DST: variants seen among roughly 807,000 people sequenced by gnomAD.
DST encodes bullous pemphigoid antigen.
In DST, 253 loss-of-function variants were observed where a neutral mutation model predicts 875.2. The ratio of observed to expected loss-of-function variants is 0.29; its 90% CI spans 0.26 to 0.32. The LOEUF (loss-of-function observed/expected upper bound fraction) is 0.32. Among genes scored for constraint, DST ranks in the 10% least tolerant of loss-of-function variants. The pLI is 1.00. For missense variants in DST, 8,287 were observed against 9,111.6 expected (o/e 0.91, Z 3.68); for synonymous variants, 3,124 against 3,197.1 (o/e 0.98, Z 0.77).
intron 9 of DST, among the ~76,000 whole-genome samples, chr6:56,698,319 A>G (rs1413328320): frequency 6.6e-6 from 1 of 150,482 alleles, no homozygotes; most frequent in African/African-American, 2.5e-5. Flanking sequence ...AGCCAACTTA[A>G]AAAAAAAAAA....
At chr6:56,843,613 C>A in intron 4 of DST, 2 of 984,058 alleles carry the variant, frequency 2.0e-6, no homozygotes, top group Non-Finnish European at 2.4e-6. Flanking sequence ...GACCGGCGCG[C>A]TGCCTTCACC....
chr6:56,783,029 C>G (rs530365977), intron 4 of DST, among the ~76,000 whole-genome samples: 15 of 152,128 alleles, frequency 9.9e-5, no homozygotes, highest in African/African-American at 3.6e-4. Flanking sequence ...TGCAGTTGAG[C>G]GGTTTTGAGT....
chr6:56,637,205 T>G (rs1440429079), intron 22 of DST, among the ~76,000 whole-genome samples: 1 of 152,218 alleles, frequency 6.6e-6, no homozygotes, highest in East Asian at 1.9e-4. Flanking sequence ...TATAAATTCT[T>G]AAACCACTCC....
chr6:56,769,637 A>G (rs6928104), intron 4 of DST, among the ~76,000 whole-genome samples: 19,063 of 152,124 alleles, frequency 0.13, 1,641 homozygotes, highest in Middle Eastern at 0.2. Context: ...GCAACATGGC[A>G]AAACCCCATC....
intron 61 of DST, among the ~76,000 whole-genome samples, chr6:56,548,523 T>G (rs981663583): frequency 6.6e-6 from 1 of 152,226 alleles, no homozygotes; most frequent in Non-Finnish European, 1.5e-5. Context: ...TAAATAATAA[T>G]GTGTTAATAT....
intron 4 of DST, among the ~76,000 whole-genome samples, chr6:56,765,182 A>T (rs2099630321): frequency 6.6e-6 from 1 of 152,192 alleles, no homozygotes; most frequent in South Asian, 2.1e-4. Context: ...AGATTCTAAC[A>T]TCCTATTGTT....
In DST at chr6:56,568,541, T is replaced by C. The variant is rs756523516; in HGVS notation, c.13933A>G (p.Ser4645Gly). Residue 4645 changes from serine to glycine, a missense_variant, in exon 55 of 104, where the codon AGT (serine) becomes GGT (glycine). Physicochemically the swap from Ser to Gly is moderately conservative, Grantham distance 56. Transcript: ENST00000680361. ...ATTAAGTTACATAGTGAGATCCCACTGTTGTTTACTTTCTGAATCTCTGGT... is the reference window on the plus strand; with the variant it reads ...ATTAAGTTACATAGTGAGATCCCACCGTTGTTTACTTTCTGAATCTCTGGT... ...KTPEIQKVNN[S>G]GISLCNLISA... The C allele has an allele frequency of 6.2e-7, 1 of 1,612,830 alleles. No homozygotes were observed. The highest frequency in any genetic ancestry group is 8.5e-7 in the Non-Finnish European group (1 of 1,179,318).
Position 56,606,614 on chromosome 6 carries a change from G to A in DST, c.8014C>T (p.Gln2672Ter), listed in dbSNP as rs756643045. 18 of 1,613,482 alleles carry A rather than the reference G, an allele frequency of 1.1e-5. No individual in the cohort carries two copies. Among genetic ancestry groups the A allele is most frequent in the Non-Finnish European group, 1.5e-5 (18 of 1,179,586 alleles). ...CTTAAGCTACCAACTGGTGCCCCCT[G>A]GGGAACCATGGAATTTTCATTCTCT... Reference protein sequence around the residue: ...SKENENSMVPQGAPVGSLSVK... With the variant: ...SKENENSMVP The change falls in exon 40 of 104, where the codon CAG becomes TAG. Residue 2672 changes from glutamine (Q) to a stop codon, truncating the protein, a stop_gained. Coordinates refer to ENST00000680361, the MANE Select transcript of DST (RefSeq NM_001374736.1). LOFTEE classifies it high-confidence loss of function.
At chr6:56,513,586 A>AGAC (rs926052397) in intron 72 of DST, among the ~76,000 whole-genome samples, 1 of 151,902 alleles carries the variant, frequency 6.6e-6, no homozygotes, top group African/African-American at 2.4e-5. Flanking sequence ...CTGGTCTCAA[A>AGAC]CTCCCGACCT....
At chr6:56,793,068 CAAAAAAAAAA>C (rs61457774) in intron 4 of DST, among the ~76,000 whole-genome samples, 1,791 of 42,326 alleles carry the variant, frequency 0.042, 22 homozygotes, top group African/African-American at 0.1. Flanking sequence ...GACCCTGTCT[CAAAAAAAAAA>C]AAAAAAAAAA....
In DST at chr6:56,458,477, G is replaced by A. The variant is rs1056032833; in HGVS notation, c.*528C>T. On this transcript the variant is annotated 3_prime_UTR_variant, in exon 104 of 104. Coordinates refer to ENST00000680361, the MANE Select transcript of DST (RefSeq NM_001374736.1). ...CAAGGTACTTGAATATCATAGTACTGGCAAGTGCTTGAAGTAACTTCCTGT... is the reference window on the plus strand; with the variant it reads ...CAAGGTACTTGAATATCATAGTACTAGCAAGTGCTTGAAGTAACTTCCTGT... The A allele has an allele frequency of 6.6e-6, 1 of 152,434 alleles. No homozygotes were observed. The highest frequency in any genetic ancestry group is 1.5e-5 in the Non-Finnish European group (1 of 68,182). The allele number at this position is 152,434 out of a possible 1,614,324, so 9.4% of individuals were successfully genotyped here.
rs935462816 is a variant in DST, at chr6:56,471,002, G to T, written c.22321+104C>A. On this transcript the variant is annotated intron_variant, in intron 95 of 103. Transcript: ENST00000680361. Reference sequence around the variant, plus strand: ...TCGTGACTTCCTAGGCAACTTATAAGACAATGCTTTATTGTAACACAAGTT... The same window carrying T: ...TCGTGACTTCCTAGGCAACTTATAATACAATGCTTTATTGTAACACAAGTT... The T allele has an allele frequency of 5.6e-6, 7 of 1,249,284 alleles. No homozygotes were observed. The African/African-American group carries it at 9.2e-5, about 16-fold the overall frequency. The allele number at this position is 1,249,284 out of a possible 1,614,324, so 77.4% of individuals were successfully genotyped here.
chr6:56,890,996 G>A (rs1028981111), intron 3 of DST, among the ~76,000 whole-genome samples: 8 of 152,200 alleles, frequency 5.3e-5, no homozygotes, highest in Non-Finnish European at 1.2e-4. Flanking sequence ...AAATGTGTAC[G>A]TTTAGAAAAG....
chr6:56,634,132 T>G lies in DST; in HGVS notation c.3621A>C (p.Ser1207=). ...IDRIRASNVA[S]IKTMLPGEHQ... is the part of the protein sequence containing the mutation. ...AGTTGACATACAGATTCATACTTAC[T>G]GAAGCCACATTGCTAGCTCGAATTC... is the stretch of plus-strand genomic sequence containing the variant. Residue 1207 remains serine, a splice_region_variant and synonymous_variant, in exon 27 of 104, where the codon TCA becomes TCC. Transcript: ENST00000680361. 6.2e-7 allele frequency: 1 copy of G among 1,613,080 alleles called. No homozygotes were observed. The highest frequency in any genetic ancestry group is 2.2e-5 in the East Asian group (1 of 44,868).
chr6:56,470,013 C>T (rs1025850331), intron 96 of DST, 56 bp from the exon 97 acceptor site: 20 of 1,605,200 alleles, frequency 1.2e-5, no homozygotes, highest in Admixed American at 8.4e-5. Flanking sequence ...ATAGTACAAT[C>T]CTTAAAACTT....
At chr6:56,685,355 C>T (rs1041442201) in intron 9 of DST, among the ~76,000 whole-genome samples, 1 of 152,178 alleles carries the variant, frequency 6.6e-6, no homozygotes, top group Admixed American at 6.5e-5. Context: ...GATGTTGATA[C>T]TTCGCAAAAG....
intron 4 of DST, among the ~76,000 whole-genome samples, chr6:56,822,823 T>TTTTA (rs947546795): frequency 6.6e-6 from 1 of 151,588 alleles, no homozygotes; most frequent in East Asian, 1.9e-4. Context: ...TTTTATTTTA[T>TTTTA]TTTATTTATT....
At chr6:56,887,500 G>A (rs906604019) in intron 3 of DST, among the ~76,000 whole-genome samples, 2 of 152,168 alleles carry the variant, frequency 1.3e-5, no homozygotes, top group African/African-American at 4.8e-5. Context: ...GGTTAGAGGT[G>A]AAATAATAAA....
At chr6:56,647,699 T>C (rs146041528) in intron 13 of DST, among the ~76,000 whole-genome samples, 2,338 of 151,900 alleles carry the variant, frequency 0.015, 54 homozygotes, top group African/African-American at 0.053. Context: ...TTTTTTTTTT[T>C]TTTTGAGACG....
Sources: gnomAD v4.1 joint callset for allele counts (sites outside exome capture counted in the v4.1 genomes callset) on GRCh38, gnomAD v4.1.1 for gene constraint, MANE v1.5 for transcripts, NCBI Gene and HGNC (gene_info 2026-07-23, HGNC 2026-07-21) for gene names.